Variants in TRAPPC9 observed in about 807,000 individuals in gnomAD.
The protein encoded by TRAPPC9 is trafficking protein particle complex subunit 9.
Under a neutral mutation model 124.0 loss-of-function variants are expected in TRAPPC9, and 83 were observed. The observed-to-expected ratio is 0.67, with a 90% CI of 0.56 to 0.80. The LOEUF (loss-of-function observed/expected upper bound fraction) is 0.80. Ranked by LOEUF, TRAPPC9 falls within the 30% of genes least tolerant of loss-of-function variation. TRAPPC9 has a pLI of 0.00. For missense variants in TRAPPC9, 1,302 were observed against 1,508.3 expected, an observed-to-expected ratio of 0.86 and a Z score of 2.27; for synonymous variants, 638 against 617.5, an observed-to-expected ratio of 1.03 and a Z score of -0.49.
At chr8:140,061,894 G>A (rs1158055200) in intron 17 of TRAPPC9, among the ~76,000 whole-genome samples, 1 of 152,106 alleles carries the variant, frequency 6.6e-6, no homozygotes, top group African/African-American at 2.4e-5. Flanking sequence ...TGGAGACCAG[G>A]CCCACTCCAA....
chr8:139,843,897 A>G (rs935509523), intron 21 of TRAPPC9, among the ~76,000 whole-genome samples: 2 of 152,250 alleles, frequency 1.3e-5, no homozygotes, highest in African/African-American at 4.8e-5. Flanking sequence ...TCACCAGAGC[A>G]GCCTCCAGCC....
intron 21 of TRAPPC9, among the ~76,000 whole-genome samples, chr8:139,783,765 A>C (rs1464657951): frequency 6.6e-6 from 1 of 152,264 alleles, no homozygotes; most frequent in Non-Finnish European, 1.5e-5. Context: ...TAGGATACTG[A>C]ATCCAACATA....
chr8:139,774,902 C>T (rs1430974198), intron 21 of TRAPPC9, among the ~76,000 whole-genome samples: 1 of 152,212 alleles, frequency 6.6e-6, no homozygotes, highest in African/African-American at 2.4e-5. Context: ...ACAGAGAACA[C>T]ACAGCATCAA....
At chr8:140,208,952 T>C (rs2062992292) in intron 17 of TRAPPC9, among the ~76,000 whole-genome samples, 1 of 152,192 alleles carries the variant, frequency 6.6e-6, no homozygotes, top group Admixed American at 6.5e-5. Flanking sequence ...GACTAGAGTA[T>C]GTGTGGATTT....
intron 17 of TRAPPC9, among the ~76,000 whole-genome samples, chr8:140,119,608 G>T (rs927086647): frequency 6.6e-6 from 1 of 152,160 alleles, no homozygotes; most frequent in South Asian, 2.1e-4. Context: ...TAAGTAATTA[G>T]ACCGTCACAT....
intron 21 of TRAPPC9, among the ~76,000 whole-genome samples, chr8:139,874,730 G>A (rs1286600583): frequency 6.6e-6 from 1 of 152,106 alleles, no homozygotes; most frequent in African/African-American, 2.4e-5. Flanking sequence ...TGTGGGCAGT[G>A]GGGGGCCTTC....
At chr8:139,805,319 G>C (rs140773351) in intron 21 of TRAPPC9, among the ~76,000 whole-genome samples, 4 of 152,194 alleles carry the variant, frequency 2.6e-5, no homozygotes, top group African/African-American at 9.6e-5. Flanking sequence ...CCATGCACAG[G>C]CATCCAGAGT....
At chr8:140,117,323 T>C (rs7002748) in intron 17 of TRAPPC9, among the ~76,000 whole-genome samples, 15,138 of 152,184 alleles carry the variant, frequency 0.099, 995 homozygotes, top group African/African-American at 0.18. Context: ...TAAGACTGGG[T>C]AATTTATAAG....
At chr8:140,010,888 G>A (rs1202198707) in intron 18 of TRAPPC9, among the ~76,000 whole-genome samples, 3 of 152,162 alleles carry the variant, frequency 2.0e-5, no homozygotes, top group African/African-American at 7.2e-5. Context: ...TCACTCAACA[G>A]AGAAGCATTT....
chr8:139,921,021 G>C (rs1184482505), intron 19 of TRAPPC9, among the ~76,000 whole-genome samples: 1 of 152,222 alleles, frequency 6.6e-6, no homozygotes, highest in Non-Finnish European at 1.5e-5. Flanking sequence ...AGGTGTGGGT[G>C]CCACAACTGG....
chr8:140,410,262 G>T (rs540349948), intron 5 of TRAPPC9, among the ~76,000 whole-genome samples: 3 of 151,904 alleles, frequency 2.0e-5, no homozygotes, highest in African/African-American at 7.2e-5. Context: ...TTGACCAGGC[G>T]CAATGGCTCA....
At chr8:140,030,452 G>T (rs565393465) in intron 17 of TRAPPC9, among the ~76,000 whole-genome samples, 1 of 152,134 alleles carries the variant, frequency 6.6e-6, no homozygotes, top group Admixed American at 6.5e-5. Context: ...AAATAGCTAG[G>T]TAAATCCTCC....
At chr8:139,855,186 C>G (rs965833381) in intron 21 of TRAPPC9, among the ~76,000 whole-genome samples, 4 of 152,170 alleles carry the variant, frequency 2.6e-5, no homozygotes, top group African/African-American at 9.7e-5. Flanking sequence ...ATAAAATAGG[C>G]CCAAAGATTC....
At chr8:139,761,681 C>T (rs1423787339) in intron 21 of TRAPPC9, among the ~76,000 whole-genome samples, 1 of 152,082 alleles carries the variant, frequency 6.6e-6, no homozygotes, top group Non-Finnish European at 1.5e-5. Flanking sequence ...CCTCCACTTC[C>T]TGGCTCCAGG....
chr8:140,313,740 G>A (rs376748715), intron 9 of TRAPPC9, among the ~76,000 whole-genome samples: 106 of 152,250 alleles, frequency 7.0e-4, no homozygotes, highest in African/African-American at 2.3e-3. Flanking sequence ...AAAAGGGACC[G>A]TCGCCAGCTG....
intron 21 of TRAPPC9, among the ~76,000 whole-genome samples, chr8:139,757,016 T>A (rs1202693259): frequency 1.1e-4 from 11 of 100,886 alleles, no homozygotes; most frequent in South Asian, 3.7e-4. Flanking sequence ...GGAGCCAGGG[T>A]TTGGGGATGA....
chr8:139,965,926 C>T (rs887814762), intron 19 of TRAPPC9, among the ~76,000 whole-genome samples: 2 of 152,224 alleles, frequency 1.3e-5, no homozygotes, highest in African/African-American at 4.8e-5. Flanking sequence ...GCTGACATCT[C>T]GCACAGCCTG....
At chr8:140,304,633 G>C (rs1266718556) in intron 10 of TRAPPC9, among the ~76,000 whole-genome samples, 1 of 152,148 alleles carries the variant, frequency 6.6e-6, no homozygotes, top group Non-Finnish European at 1.5e-5. Flanking sequence ...TTCACTGCAG[G>C]CCTGCCACGG....
intron 19 of TRAPPC9, among the ~76,000 whole-genome samples, chr8:139,944,795 A>T (rs1002387450): frequency 3.3e-5 from 5 of 152,238 alleles, no homozygotes; most frequent in African/African-American, 1.2e-4. Context: ...TTAATAAATT[A>T]AATACTCTTA....
Sources: gnomAD v4.1 joint callset for allele counts (sites outside exome capture counted in the v4.1 genomes callset) on GRCh38, gnomAD v4.1.1 for gene constraint, MANE v1.5 for transcripts, NCBI Gene and HGNC (gene_info 2026-07-23, HGNC 2026-07-21) for gene names.